Variants in TEPSIN observed in about 807,000 individuals in gnomAD.
TEPSIN encodes TEPSIN adaptor related protein complex 4 accessory protein.
Under a neutral mutation model 48.5 loss-of-function variants are expected in TEPSIN, and 50 were observed. That is an observed-to-expected ratio of 1.03 (90% CI 0.82 to 1.31). TEPSIN has a LOEUF of 1.31. TEPSIN is among the 50% of genes most tolerant of loss of function. The probability of loss-of-function intolerance (pLI) is 0.00; values close to 1 mark genes in which losing one functional copy is unlikely to be tolerated. For missense variants in TEPSIN, 838 were observed against 815.9 expected (o/e 1.03, Z -0.33); for synonymous variants, 392 against 358.8 (o/e 1.09, Z -1.05).
chr17:81,230,257 G>A lies in TEPSIN; in HGVS notation c.1233+287C>T, dbSNP rs74436482. 1,934 of 455,958 alleles carry A rather than the reference G, an allele frequency of 4.2e-3. 37 individuals are homozygous for A. Among genetic ancestry groups the A allele is most frequent in the African/African-American group, 0.036 (1,774 of 48,726 alleles). The allele number at this position is 455,958 out of a possible 1,614,324, so 28.2% of individuals were successfully genotyped here. On this transcript the variant is annotated intron_variant, in intron 12 of 12. Coordinates refer to ENST00000637944, the MANE Select transcript of TEPSIN (RefSeq NM_001363764.2). This position sits in a 1 kb window ranked among gnomAD's most constrained non-coding sequence, Gnocchi z 4.2. ...CTGGAAGAGGTAAGTGTGAGGCCAAGACACAAGGGCAGGAACATTAAGGCA... is the reference window on the plus strand; with the variant it reads ...CTGGAAGAGGTAAGTGTGAGGCCAAAACACAAGGGCAGGAACATTAAGGCA...
chr17:81,237,460 C>G lies in TEPSIN; in HGVS notation c.49-1G>C. ...ACGTCCCCTTCAGGAGAATCGGGAG[C>G]TGAAAGGGAACAAGAGCCCCTACCA... On this transcript the variant is annotated splice_acceptor_variant, in intron 1 of 12. Coordinates refer to ENST00000637944, the MANE Select transcript of TEPSIN (RefSeq NM_001363764.2). LOFTEE classifies it high-confidence loss of function. The G allele has an allele frequency of 6.2e-7, 1 of 1,608,002 alleles. No homozygotes were observed.
Position 81,229,362 on chromosome 17 carries a change from C to T in TEPSIN, c.1348G>A (p.Val450Met). ...AAGACCTGGCTCCCAGGGAGAGGCA[C>T]AGCGTCGGTCAGCAGGTCAGATGGG... is the stretch of plus-strand genomic sequence containing the variant. ...PGPSDLLTDA[V>M]PLPGSQVFLQ... Residue 450 changes from valine (V) to methionine (M), a missense_variant, in exon 13 of 13, where the codon GTG (valine) becomes ATG (methionine). By Grantham distance (21) the Val-to-Met change is conservative (BLOSUM62 1). Coordinates refer to ENST00000637944, the MANE Select transcript of TEPSIN (RefSeq NM_001363764.2). 6.4e-7 allele frequency: 1 copy of T among 1,558,782 alleles called. No homozygotes were observed. Among genetic ancestry groups the T allele is most frequent in the Non-Finnish European group, 8.7e-7 (1 of 1,151,914 alleles).
At chr17:81,232,185 G>A in intron 8 of TEPSIN, 130 bp downstream of exon 8, 1 of 1,311,156 alleles carries the variant, frequency 7.6e-7, no homozygotes, top group South Asian at 1.5e-5. Flanking sequence ...ATGGGCATGT[G>A]CTTCCGCCGC....
Position 81,233,482 on chromosome 17 carries a change from G to A in TEPSIN, c.476C>T (p.Pro159Leu), listed in dbSNP as rs752094865. ...PATGMGSQAR[P>L]HSTLQGFGYS... is the part of the protein sequence containing the mutation. The stretch of plus-strand genomic sequence containing the variant: ...GCCGAAACCCTGGAGGGTGCTGTGC[G>A]GCCTGGCCTGGGAGCCCATGCCTGC... Residue 159 changes from proline to leucine, a missense_variant, in exon 7 of 13, where the codon CCG (proline) becomes CTG (leucine). Transcript: ENST00000637944. The surrounding 1 kb of genome is among the most constrained non-coding windows in gnomAD (Gnocchi z 5.8). 1.4e-5 allele frequency: 23 copies of A among 1,605,940 alleles called. No individual in the cohort carries two copies. The highest frequency in any genetic ancestry group is 1.8e-4 in the Middle Eastern group (1 of 5,538).
chr17:81,238,437 G>T, intron 1 of TEPSIN: 1 of 300,178 alleles, frequency 3.3e-6, no homozygotes, highest in Non-Finnish European at 4.9e-6. Flanking sequence ...TGACAAAAGA[G>T]GGCAGTTTGC....
chr17:81,233,782 C>T lies in TEPSIN; in HGVS notation c.376-66G>A, dbSNP rs2062669759. 1.3e-6 allele frequency: 2 copies of T among 1,484,786 alleles called. No homozygotes were observed. Among genetic ancestry groups the T allele is most frequent in the Admixed American group, 4.4e-5 (2 of 45,820 alleles). The allele number at this position is 1,484,786 out of a possible 1,614,324, so 92.0% of individuals were successfully genotyped here. A position where few individuals can be genotyped will look rare whatever the true frequency, so the allele number is the denominator to read the frequency against. ...GGCCTGCTGTACTCACCCTGCCACC[C>T]ATATCAGCTCCGTTCTGTCCCCCGG... On this transcript the variant is annotated intron_variant, in intron 5 of 12. Coordinates refer to ENST00000637944, the MANE Select transcript of TEPSIN (RefSeq NM_001363764.2). The surrounding 1 kb of genome is among the most constrained non-coding windows in gnomAD (Gnocchi z 5.8).
At chr17:81,232,125 G>A (rs2062627330) in intron 8 of TEPSIN, 104 bp from the exon 9 acceptor site, 5 of 1,424,028 alleles carry the variant, frequency 3.5e-6, no homozygotes, top group Middle Eastern at 2.4e-4. Context: ...TGAGTCCTGA[G>A]CTGAGGATGG....
Position 81,229,269 on chromosome 17 carries a change from T to C in TEPSIN, c.1441A>G (p.Ser481Gly). 1 of 1,576,948 alleles carries C rather than the reference T, an allele frequency of 6.3e-7. No individual in the cohort carries two copies. Among genetic ancestry groups the C allele is most frequent in the African/African-American group, 1.4e-5 (1 of 73,544 alleles). The stretch of plus-strand genomic sequence containing the variant: ...TCTGGGGGTGGGGTGGGCACAGGGC[T>C]GGACGGCATCCCAGATGAGGGAGCA... ...SPAPSSGMPS[S>G]PVPTPPPDAS... The change falls in exon 13 of 13, where the codon AGC becomes GGC. Residue 481 changes from serine to glycine, a missense_variant. Ser to Gly is a moderately conservative substitution (Grantham distance 56). Coordinates refer to ENST00000637944, the MANE Select transcript of TEPSIN (RefSeq NM_001363764.2).
At chr17:81,237,860 C>T (rs2062753206) in intron 1 of TEPSIN, 1 of 594,978 alleles carries the variant, frequency 1.7e-6, no homozygotes, top group African/African-American at 2.0e-5. Context: ...GACTATGAAT[C>T]GTTCCACCTC....
At position 81,230,931 on chromosome 17, in the gene TEPSIN, C is replaced by T. The variant is rs1004247612; in HGVS notation, c.1099-253G>A. The T allele has an allele frequency of 5.5e-5, 30 of 549,732 alleles. No homozygotes were observed. Among genetic ancestry groups the T allele is most frequent in the Non-Finnish European group, 8.8e-5 (28 of 316,642 alleles). The allele number at this position is 549,732 out of a possible 1,614,324, so 34.1% of individuals were successfully genotyped here. ...GCCCTGTCTTCACCGCCTTACACCC[C>T]AGCTCCCGGACACCAGAGCCATGTC... On this transcript the variant is annotated intron_variant, in intron 11 of 12. Transcript: ENST00000637944. The surrounding 1 kb of genome is among the most constrained non-coding windows in gnomAD (Gnocchi z 4.2).
Position 81,237,844 on chromosome 17 carries a change from A to G in TEPSIN, c.49-385T>C, listed in dbSNP as rs535914151. The G allele has an allele frequency of 6.0e-6, 3 of 501,432 alleles. No homozygotes were observed. The South Asian group carries it at 1.6e-4, about 27-fold the overall frequency. 31.1% of individuals were successfully genotyped at this position (501,432 alleles called of 1,614,324 possible). A position where few individuals can be genotyped will look rare whatever the true frequency, so the allele number is the denominator to read the frequency against. On this transcript the variant is annotated intron_variant, in intron 1 of 12. Transcript: ENST00000637944. ...AGGCCCAGGCAAGCCCCTTTTCCAC[A>G]CAGGGGACTATGAATCGTTCCACCT...
chr17:81,231,938 T>C lies in TEPSIN; in HGVS notation c.814A>G (p.Ser272Gly). ...GPSSQNSSQN[S>G]DLSRVSDSGS... ...GAGTCCGAGACCCTGCTCAGGTCGC[T>C]GTTCTGGGAGGAATTCTGAGAGCTG... Residue 272 changes from serine (S) to glycine (G), a missense_variant, in exon 9 of 13, where the codon AGC (serine) becomes GGC (glycine). By Grantham distance (56) the Ser-to-Gly change is moderately conservative. Coordinates refer to ENST00000637944, the MANE Select transcript of TEPSIN (RefSeq NM_001363764.2). The C allele has an allele frequency of 2.5e-6, 4 of 1,613,636 alleles. No homozygotes were observed. Among genetic ancestry groups the C allele is most frequent in the Non-Finnish European group, 3.4e-6 (4 of 1,179,974 alleles).
chr17:81,229,283 G>A lies in TEPSIN; in HGVS notation c.1427C>T (p.Ser476Phe), dbSNP rs751647626. Residue 476 changes from serine (S) to phenylalanine (F), a missense_variant, in exon 13 of 13, where the codon TCT becomes TTT. Coordinates refer to ENST00000637944, the MANE Select transcript of TEPSIN (RefSeq NM_001363764.2). ...GGGCACAGGGCTGGACGGCATCCCA[G>A]ATGAGGGAGCAGGGCTCCGGGACGA... ...PVSSRSPAPSSGMPSSPVPTP... is the reference protein window; with the variant it reads ...PVSSRSPAPSFGMPSSPVPTP... 1.3e-6 allele frequency: 2 copies of A among 1,577,488 alleles called. No individual in the cohort carries two copies. The highest frequency in any genetic ancestry group is 1.7e-6 in the Non-Finnish European group (2 of 1,161,622).
intron 4 of TEPSIN, among the ~76,000 whole-genome samples, chr17:81,235,977 A>C (rs2062713329): frequency 6.6e-6 from 1 of 152,222 alleles, no homozygotes; most frequent in Non-Finnish European, 1.5e-5. Context: ...ACAAGCAAGC[A>C]GTGGCACGAG....
Position 81,233,480 on chromosome 17 carries a change from G to A in TEPSIN, c.478C>T (p.His160Tyr). ...TAGCCGAAACCCTGGAGGGTGCTGT[G>A]CGGCCTGGCCTGGGAGCCCATGCCT... ...ATGMGSQARP[H>Y]STLQGFGYSK... The change falls in exon 7 of 13, where the codon CAC (histidine) becomes TAC (tyrosine). Residue 160 changes from histidine to tyrosine, a missense_variant. Physicochemically the swap from His to Tyr is moderately conservative, Grantham distance 83. Transcript: ENST00000637944. This position sits in a 1 kb window ranked among gnomAD's most constrained non-coding sequence, Gnocchi z 5.8. 3.7e-6 allele frequency: 6 copies of A among 1,607,976 alleles called. No individual in the cohort carries two copies. The highest frequency in any genetic ancestry group is 5.1e-6 in the Non-Finnish European group (6 of 1,177,430).
rs777674986 is a variant in TEPSIN at position 81,228,933 on chromosome 17, C to T, written c.1777G>A (p.Ala593Thr). 4.7e-5 allele frequency: 76 copies of T among 1,613,038 alleles called. No homozygotes were observed. Among genetic ancestry groups the T allele is most frequent in the East Asian group, 2.5e-4 (11 of 44,888 alleles). ...TCCAGGGCCAGGCCATCGGGTCAGG[C>T]GTTCAGGAACGCGAAAGCTGACGGC... The part of the protein sequence containing the change: ...SEPSAFAFLN[A>T] Residue 593 changes from alanine to threonine, a missense_variant, in exon 13 of 13, where the codon GCC becomes ACC. Coordinates refer to ENST00000637944, the MANE Select transcript of TEPSIN (RefSeq NM_001363764.2).
rs754287204 is a variant in TEPSIN at position 81,230,517 on chromosome 17, G to A, written c.1233+27C>T. 2 of 1,608,936 alleles carry A rather than the reference G, an allele frequency of 1.2e-6. No individual in the cohort carries two copies. The highest frequency in any genetic ancestry group is 1.1e-5 in the South Asian group (1 of 90,908). On this transcript the variant is annotated intron_variant, in intron 12 of 12. Transcript: ENST00000637944. The surrounding 1 kb of genome is among the most constrained non-coding windows in gnomAD (Gnocchi z 4.2). ...TCCCACTGTACCCTTGGACCCCGGTGTGCGTGTGGCCTCCGCAGCTGCCCA... is the reference window on the plus strand; with the variant it reads ...TCCCACTGTACCCTTGGACCCCGGTATGCGTGTGGCCTCCGCAGCTGCCCA...
In TEPSIN at chr17:81,234,910, C is replaced by T. The variant is rs1160976022; in HGVS notation, c.308-862G>A. Among the ~76,000 whole-genome samples, 2 of 152,150 alleles carry T rather than the reference C, an allele frequency of 1.3e-5. No individual in the cohort carries two copies. Among genetic ancestry groups the T allele is most frequent in the Non-Finnish European group, 2.9e-5 (2 of 68,036 alleles). On this transcript the variant is annotated intron_variant, in intron 4 of 12. Coordinates refer to ENST00000637944, the MANE Select transcript of TEPSIN (RefSeq NM_001363764.2). This position sits in a 1 kb window ranked among gnomAD's most constrained non-coding sequence, Gnocchi z 5.4. ...AAAGTTCACCTTAACCAAAAACTGC[C>T]TAAATCCATAGGGCATCAGCCTAAT...
rs372573540 is a variant in TEPSIN at position 81,229,000 on chromosome 17, T to C, written c.1710A>G (p.Thr570=). 2,389 of 1,613,312 alleles carry C rather than the reference T, an allele frequency of 1.5e-3. 46 individuals are homozygous for C. In the South Asian group the frequency reaches 0.024, roughly 16 times the overall value. ...CTTTGGCTGCTGTCCTCTGGGACGA[T>C]GTTTGGGGGGCGCGGGGAGCATCAG... ...SCPDAPRAPQ[T]SSQRTAAKEP... The change falls in exon 13 of 13, where the codon ACA becomes ACG. Residue 570 remains threonine (T), a synonymous_variant. Transcript: ENST00000637944.
Sources: allele counts gnomAD v4.1 joint callset (sites outside exome capture counted in the v4.1 genomes callset), GRCh38; gene constraint gnomAD v4.1.1; non-coding constraint Gnocchi (gnomAD v3.1); transcripts MANE v1.5; gene names NCBI Gene and HGNC (gene_info 2026-07-23, HGNC 2026-07-21).